LRRC46: variants seen among roughly 807,000 people sequenced by gnomAD.
The protein encoded by LRRC46 is leucine rich repeat containing 46.
Under a neutral mutation model 28.0 loss-of-function variants are expected in LRRC46, and 20 were observed. The ratio of observed to expected loss-of-function variants is 0.71; its 90% CI spans 0.50 to 1.04. The LOEUF is 1.04. LRRC46 is among the 50% of genes least tolerant of loss of function. LRRC46 has a pLI of 0.00. For synonymous variants in LRRC46, 156 were observed against 158.8 expected, an observed-to-expected ratio of 0.98 and a Z score of 0.13; for missense variants, 315 against 390.1, an observed-to-expected ratio of 0.81 and a Z score of 1.62.
chr17:47,837,210 TAA>T lies in LRRC46; in HGVS notation c.*92_*93del. ...ACCTGTGACAGAAGCCCATCCCCAG[TAA>T]AGTGTCTCTAGGCCCTGAGTATGCT... On this transcript the variant is annotated 3_prime_UTR_variant, in exon 8 of 8. Coordinates refer to ENST00000269025, the MANE Select transcript of LRRC46 (RefSeq NM_033413.4). 6.5e-7 allele frequency: 1 copy of T among 1,530,324 alleles called. No homozygotes were observed. Among genetic ancestry groups the T allele is most frequent in the Non-Finnish European group, 8.8e-7 (1 of 1,138,452 alleles). 94.8% of individuals were successfully genotyped at this position (1,530,324 alleles called of 1,614,324 possible). A position where few individuals can be genotyped will look rare whatever the true frequency, so the allele number is the denominator to read the frequency against.
chr17:47,834,897 T>TTGGTGG (rs963233280), intron 3 of LRRC46: 1 of 226,208 alleles, frequency 4.4e-6, no homozygotes, highest in Non-Finnish European at 8.7e-6. Context: ...TGAAGGCTGT[T>TTGGTGG]TGGTGGTGGT....
In LRRC46 at chr17:47,836,893, G is replaced by A. The variant is rs2143613600; in HGVS notation, c.739G>A (p.Asp247Asn). The A allele has an allele frequency of 1.9e-6, 3 of 1,613,820 alleles. No individual in the cohort carries two copies. The highest frequency in any genetic ancestry group is 1.1e-5 in the South Asian group (1 of 91,080). The change falls in exon 8 of 8, where the codon GAC becomes AAC. Residue 247 changes from aspartate to asparagine, a missense_variant. By Grantham distance (23) the Asp-to-Asn change is conservative. Transcript: ENST00000269025. The surrounding 1 kb of genome is among the most constrained non-coding windows in gnomAD (Gnocchi z 5.8). ...PLLPGVPMAG[D>N]SSPSATPAQG... ...GCTACCTGGGGTGCCCATGGCTGGG[G>A]ACAGCAGCCCTTCTGCCACTCCTGC...
Position 47,832,296 on chromosome 17 carries a change from T to C in LRRC46, c.116+91T>C, listed in dbSNP as rs2033644620. ...CGTGTACTGATTTGTCAACTGATCTTTGTTTCTCTCCTTACTCCACACATT... is the reference window on the plus strand; with the variant it reads ...CGTGTACTGATTTGTCAACTGATCTCTGTTTCTCTCCTTACTCCACACATT... On this transcript the variant is annotated intron_variant, in intron 2 of 7. Transcript: ENST00000269025. The C allele has an allele frequency of 5.5e-6, 5 of 902,278 alleles. No homozygotes were observed. The South Asian group carries it at 9.4e-5, about 17-fold the overall frequency. The allele number at this position is 902,278 out of a possible 1,614,324, so 55.9% of individuals were successfully genotyped here.
chr17:47,836,570 G>A lies in LRRC46; in HGVS notation c.595+95G>A, dbSNP rs2033699926. 1.3e-6 allele frequency: 2 copies of A among 1,540,548 alleles called. No homozygotes were observed. The highest frequency in any genetic ancestry group is 1.8e-6 in the Non-Finnish European group (2 of 1,140,766). ...TAAGGTGGCAGTGGCGTCCGGGGAGGGGAGCCCCAAGTTCAGATCAACATC... is the reference window on the plus strand; with the variant it reads ...TAAGGTGGCAGTGGCGTCCGGGGAGAGGAGCCCCAAGTTCAGATCAACATC... On this transcript the variant is annotated intron_variant, in intron 7 of 7. Coordinates refer to ENST00000269025, the MANE Select transcript of LRRC46 (RefSeq NM_033413.4). This position sits in a 1 kb window ranked among gnomAD's most constrained non-coding sequence, Gnocchi z 5.8.
rs369472746 is a variant in LRRC46 at position 47,836,954 on chromosome 17, C to A, written c.800C>A (p.Ser267Ter). The change falls in exon 8 of 8, where the codon TCA becomes TAA. Residue 267 changes from serine to a stop codon, truncating the protein, a stop_gained. Coordinates refer to ENST00000269025, the MANE Select transcript of LRRC46 (RefSeq NM_033413.4). LOFTEE classifies it low-confidence loss of function (END_TRUNC). The surrounding 1 kb of genome is among the most constrained non-coding windows in gnomAD (Gnocchi z 5.8). ...GEETVPEAVS[S>*]PQASSPTKKP... ...GAGACAGTCCCTGAGGCCGTCTCCTCACCCCAGGCCTCCTCTCCCACCAAG... is the reference window on the plus strand; with the variant it reads ...GAGACAGTCCCTGAGGCCGTCTCCTAACCCCAGGCCTCCTCTCCCACCAAG... 2 of 1,613,738 alleles carry A rather than the reference C, an allele frequency of 1.2e-6. No homozygotes were observed. Among genetic ancestry groups the A allele is most frequent in the African/African-American group, 2.7e-5 (2 of 74,866 alleles).
rs536071526 is a variant in LRRC46, at chr17:47,834,476, T to C, written c.168T>C (p.Ile56=). 1.2e-6 allele frequency: 2 copies of C among 1,613,860 alleles called. No individual in the cohort carries two copies. The highest frequency in any genetic ancestry group is 1.1e-5 in the South Asian group (1 of 91,004). The change falls in exon 3 of 8, where the codon ATT becomes ATC. Residue 56 remains isoleucine (I), a synonymous_variant. Transcript: ENST00000269025. ...LQTVRLDREG[I]TTIRNLEGLQ... is the part of the protein sequence containing the mutation. The stretch of plus-strand genomic sequence containing the variant: ...CTGTCCGCCTGGACCGGGAGGGGAT[T>C]ACTACTATCAGGAACTTAGAAGGCC...
At chr17:47,833,383 CCTT>C (rs969275030) in intron 2 of LRRC46, among the ~76,000 whole-genome samples, 6 of 151,152 alleles carry the variant, frequency 4.0e-5, no homozygotes, top group Admixed American at 4.0e-4. Flanking sequence ...TCTTCCTCCT[CCTT>C]CTTCCTTTCC....
chr17:47,836,928 G>A lies in LRRC46; in HGVS notation c.774G>A (p.Glu258=). ...CTTCTGCCACTCCTGCGCAAGGGGA[G>A]GAGACAGTCCCTGAGGCCGTCTCCT... ...SSPSATPAQG[E]ETVPEAVSSP... The change falls in exon 8 of 8, where the codon GAG becomes GAA. Residue 258 remains glutamate (E), a synonymous_variant. Coordinates refer to ENST00000269025, the MANE Select transcript of LRRC46 (RefSeq NM_033413.4). The surrounding 1 kb of genome is among the most constrained non-coding windows in gnomAD (Gnocchi z 5.8). 5 of 1,613,834 alleles carry A rather than the reference G, an allele frequency of 3.1e-6. No individual in the cohort carries two copies. Among genetic ancestry groups the A allele is most frequent in the South Asian group, 1.1e-5 (1 of 91,066 alleles).
chr17:47,833,938 G>A (rs888438164), intron 2 of LRRC46: 138 of 985,360 alleles, frequency 1.4e-4, no homozygotes, highest in Non-Finnish European at 1.6e-4. Flanking sequence ...TATTAGTGGT[G>A]GGCAGAGACT....
In LRRC46 at chr17:47,836,886, G is replaced by A. The variant is rs752183190; in HGVS notation, c.732G>A (p.Met244Ile). The change falls in exon 8 of 8, where the codon ATG (methionine) becomes ATA (isoleucine). Residue 244 changes from methionine to isoleucine, a missense_variant. Physicochemically the swap from Met to Ile is conservative, Grantham distance 10. Transcript: ENST00000269025. This position sits in a 1 kb window ranked among gnomAD's most constrained non-coding sequence, Gnocchi z 5.8. The stretch of plus-strand genomic sequence containing the variant: ...TGCCCCTGCTACCTGGGGTGCCCAT[G>A]GCTGGGGACAGCAGCCCTTCTGCCA... The part of the protein sequence containing the change: ...TDLPLLPGVP[M>I]AGDSSPSATP... 3 of 1,613,700 alleles carry A rather than the reference G, an allele frequency of 1.9e-6. No individual in the cohort carries two copies. The highest frequency in any genetic ancestry group is 1.3e-5 in the African/African-American group (1 of 74,868).
At position 47,834,369 on chromosome 17, in the gene LRRC46, G is replaced by A. The variant is rs1377324108; in HGVS notation, c.117-56G>A. ...CCCTCCTCCGTCTCCCATCCTCCCT[G>A]CTAAGAGACCACATGAGTGGTGCTC... On this transcript the variant is annotated intron_variant, in intron 2 of 7. Coordinates refer to ENST00000269025, the MANE Select transcript of LRRC46 (RefSeq NM_033413.4). 1.8e-5 allele frequency: 23 copies of A among 1,302,110 alleles called. No individual in the cohort carries two copies. In the East Asian group the frequency reaches 5.6e-4, roughly 32 times the overall value. The allele number at this position is 1,302,110 out of a possible 1,614,324, so 80.7% of individuals were successfully genotyped here.
In LRRC46 at chr17:47,836,345, A is replaced by G. The variant is rs756965289; in HGVS notation, c.465A>G (p.Thr155=). The part of the protein sequence containing the change: ...TNQDGYRELV[T]EALPLLLDLD... ...TTCTGCTCTGCAGCGAGCTGGTGAC[A>G]GAAGCCCTGCCACTTCTCCTGGACC... Residue 155 remains threonine, a synonymous_variant, in exon 7 of 8, where the codon ACA becomes ACG. Transcript: ENST00000269025. The surrounding 1 kb of genome is among the most constrained non-coding windows in gnomAD (Gnocchi z 5.8). The G allele has an allele frequency of 2.5e-6, 4 of 1,613,838 alleles. No homozygotes were observed. The African/African-American group carries it at 5.3e-5, about 22-fold the overall frequency.
At position 47,836,389 on chromosome 17, in the gene LRRC46, TG is replaced by T. The variant is rs1292231177; in HGVS notation, c.511del (p.Glu171SerfsTer20). 6.2e-7 allele frequency: 1 copy of T among 1,613,972 alleles called. No individual in the cohort carries two copies. The highest frequency in any genetic ancestry group is 1.3e-5 in the African/African-American group (1 of 74,906). On this transcript the variant is annotated frameshift_variant, in exon 7 of 8. Transcript: ENST00000269025. LOFTEE classifies it high-confidence loss of function. The surrounding 1 kb of genome is among the most constrained non-coding windows in gnomAD (Gnocchi z 5.8). ...CTGGACCTGGACGGGCAGCCTGTGGTGGAGCGCTGGATTTCGGATGAGGAGG... is the reference window on the plus strand; with the variant it reads ...CTGGACCTGGACGGGCAGCCTGTGGTGAGCGCTGGATTTCGGATGAGGAGG... ...LLLDLDGQPV[V>X]ERWISDEEDE... is the part of the protein sequence containing the mutation.
chr17:47,832,983 T>C (rs758463102), intron 2 of LRRC46, among the ~76,000 whole-genome samples: 83 of 152,112 alleles, frequency 5.5e-4, no homozygotes, highest in Non-Finnish European at 3.2e-4. Flanking sequence ...CTACTCAGAG[T>C]ATGTGTGGAT....
In LRRC46 at chr17:47,832,126, G is replaced by T. The variant is rs2033642215; in HGVS notation, c.37G>T (p.Gly13Trp). The change falls in exon 2 of 8, where the codon GGG becomes TGG. Residue 13 changes from glycine to tryptophan, a missense_variant. Transcript: ENST00000269025. ...GAAGTCAGCCCAGGGTCCAGAGGAAGGGGGCGTCTGCATCACTGAAGCCCT... is the reference window on the plus strand; with the variant it reads ...GAAGTCAGCCCAGGGTCCAGAGGAATGGGGCGTCTGCATCACTGAAGCCCT... Reference protein sequence around the residue: ...GGKSAQGPEEGGVCITEALIT... With the variant: ...GGKSAQGPEEWGVCITEALIT... The T allele has an allele frequency of 6.2e-7, 1 of 1,609,344 alleles. No individual in the cohort carries two copies. The highest frequency in any genetic ancestry group is 8.5e-7 in the Non-Finnish European group (1 of 1,177,224).
Position 47,837,718 on chromosome 17 carries a change from A to G in LRRC46, c.*598A>G, listed in dbSNP as rs2143615414. On this transcript the variant is annotated 3_prime_UTR_variant, in exon 8 of 8. Coordinates refer to ENST00000269025, the MANE Select transcript of LRRC46 (RefSeq NM_033413.4). ...AAAATAAAGCACATTTATTAAGGCA[A>G]AGGCCAAGCTGGCCGCTCAGAACAT... is the stretch of plus-strand genomic sequence containing the variant. 2 of 1,189,696 alleles carry G rather than the reference A, an allele frequency of 1.7e-6. No homozygotes were observed. The highest frequency in any genetic ancestry group is 1.1e-6 in the Non-Finnish European group (1 of 888,772). 73.7% of individuals were successfully genotyped at this position (1,189,696 alleles called of 1,614,324 possible). A position where few individuals can be genotyped will look rare whatever the true frequency, so the allele number is the denominator to read the frequency against.
At chr17:47,834,027 C>T (rs2033666141) in intron 2 of LRRC46, 2 of 990,314 alleles carry the variant, frequency 2.0e-6, no homozygotes. Flanking sequence ...CTTTTTTCTC[C>T]ATGAACGACT....
rs2033699200 is a variant in LRRC46, at chr17:47,836,515, C to G, written c.595+40C>G. Reference sequence around the variant, plus strand: ...CAAGGTTTTCAGCCTCCCCAGAGCCCACCTCTGCCCTGTGGGACATGAGGG... The same window carrying G: ...CAAGGTTTTCAGCCTCCCCAGAGCCGACCTCTGCCCTGTGGGACATGAGGG... On this transcript the variant is annotated intron_variant, in intron 7 of 7. Transcript: ENST00000269025. This position sits in a 1 kb window ranked among gnomAD's most constrained non-coding sequence, Gnocchi z 5.8. 6.2e-7 allele frequency: 1 copy of G among 1,603,578 alleles called. No homozygotes were observed. The highest frequency in any genetic ancestry group is 8.5e-7 in the Non-Finnish European group (1 of 1,173,882).
At chr17:47,835,323 T>A in intron 3 of LRRC46, 30 bp from the exon 4 acceptor site, 1 of 1,613,666 alleles carries the variant, frequency 6.2e-7, no homozygotes, top group Non-Finnish European at 8.5e-7. Flanking sequence ...GATCTCAGCT[T>A]GGTTTCCCCA....
Sources: gnomAD v4.1 joint callset for allele counts (sites outside exome capture counted in the v4.1 genomes callset) on GRCh38, gnomAD v4.1.1 for gene constraint, Gnocchi (gnomAD v3.1) non-coding constraint, MANE v1.5 for transcripts, NCBI Gene and HGNC (gene_info 2026-07-23, HGNC 2026-07-21) for gene names.